The following UQCC5 variants were observed in gnomAD, a reference collection of about 807,000 sequenced individuals.
UQCC5 encodes UPF0640 protein C3orf78.
chr3:52,538,717 T>C, the UQCC5 span, among the ~76,000 whole-genome samples: 1 of 152,140 alleles, frequency 6.6e-6, no homozygotes, highest in African/African-American at 2.4e-5. Context: ...CACCTTGGCC[T>C]CCCAAAGTGC....
the UQCC5 span, among the ~76,000 whole-genome samples, chr3:52,538,005 C>G: frequency 6.6e-6 from 1 of 152,150 alleles, no homozygotes; most frequent in Non-Finnish European, 1.5e-5. Flanking sequence ...GGCAAAGGGA[C>G]TGGAGAACCA....
the UQCC5 span, among the ~76,000 whole-genome samples, chr3:52,539,333 C>CG: frequency 1.3e-5 from 2 of 152,074 alleles, no homozygotes; most frequent in Admixed American, 1.3e-4. Flanking sequence ...GCGGGTAAGA[C>CG]GGGGCCAAGG....
chr3:52,536,914 AG>A, the UQCC5 span: 1 of 1,551,318 alleles, frequency 6.4e-7, no homozygotes, highest in Non-Finnish European at 8.7e-7. Flanking sequence ...TCTGTAAGTG[AG>A]GGGGTAGCAG....
At chr3:52,536,800 C>T in the UQCC5 span, 3 of 1,551,606 alleles carry the variant, frequency 1.9e-6, no homozygotes, top group African/African-American at 1.4e-5. Context: ...AGCGGGTGCC[C>T]GGGAAGCAGC....
At chr3:52,539,706 T>A in the UQCC5 span, among the ~76,000 whole-genome samples, 2 of 151,972 alleles carry the variant, frequency 1.3e-5, no homozygotes, top group East Asian at 3.9e-4. Context: ...TGGCACGATC[T>A]TGGCTCACTG....
the UQCC5 span, chr3:52,540,619 G>C: frequency 3.1e-6 from 2 of 655,390 alleles, no homozygotes; most frequent in African/African-American, 3.8e-5. Context: ...TCCAATAACT[G>C]TTTTTGCAAA....
the UQCC5 span, chr3:52,536,677 C>A: frequency 6.6e-7 from 1 of 1,523,724 alleles, no homozygotes; most frequent in South Asian, 1.2e-5. Flanking sequence ...ACGGCGAGAA[C>A]GGGCGGGGCG....
At chr3:52,536,618 C>T in the UQCC5 span, 18 of 1,468,628 alleles carry the variant, frequency 1.2e-5, no homozygotes, top group Middle Eastern at 2.5e-4. Flanking sequence ...CGTGCGCCTA[C>T]CAGACAGTGG....
the UQCC5 span, among the ~76,000 whole-genome samples, chr3:52,539,716 G>A: frequency 6.7e-6 from 1 of 150,222 alleles, no homozygotes; most frequent in Non-Finnish European, 1.5e-5. Flanking sequence ...TTGGCTCACT[G>A]CAGCCTCTGC....
the UQCC5 span, among the ~76,000 whole-genome samples, chr3:52,539,547 CA>C: frequency 6.6e-6 from 1 of 152,128 alleles, no homozygotes; most frequent in African/African-American, 2.4e-5. Flanking sequence ...AGCCAGAGGC[CA>C]GCACTTTTGG....
the UQCC5 span, chr3:52,536,612 C>A: frequency 6.9e-7 from 1 of 1,456,612 alleles, no homozygotes; most frequent in Non-Finnish European, 9.1e-7. Context: ...GGCACTCGTG[C>A]GCCTACCAGA....
chr3:52,538,141 G>A, the UQCC5 span, among the ~76,000 whole-genome samples: 1 of 152,336 alleles, frequency 6.6e-6, no homozygotes, highest in Admixed American at 6.5e-5. Flanking sequence ...CAGTGGCCTG[G>A]TCTAGGTTGG....
At chr3:52,541,860 A>T in the UQCC5 span, 1 of 152,204 alleles carries the variant, frequency 6.6e-6, no homozygotes, top group South Asian at 2.1e-4. Context: ...TACAAAGAAT[A>T]ATAGTAAACA....
the UQCC5 span, chr3:52,536,809 G>T: frequency 1.3e-6 from 2 of 1,551,824 alleles, no homozygotes; most frequent in Non-Finnish European, 8.7e-7. Context: ...CCGGGAAGCA[G>T]CGATTTGGCA....
At chr3:52,541,476 C>CTAAT in the UQCC5 span, 1 of 152,190 alleles carries the variant, frequency 6.6e-6, no homozygotes, top group Non-Finnish European at 1.5e-5. Context: ...GATTTTTCTT[C>CTAAT]TAATTTTAGT....
the UQCC5 span, chr3:52,541,865 T>G: frequency 6.6e-6 from 1 of 152,204 alleles, no homozygotes; most frequent in African/African-American, 2.4e-5. Context: ...AGAATAATAG[T>G]AAACACTAAT....
chr3:52,541,301 A>C, the UQCC5 span: 1 of 152,200 alleles, frequency 6.6e-6, no homozygotes, highest in South Asian at 2.1e-4. Context: ...CCATGCTTGC[A>C]TAGCCACATC....
chr3:52,541,470 TTTC>T, the UQCC5 span: 1 of 152,254 alleles, frequency 6.6e-6, no homozygotes, highest in African/African-American at 2.4e-5. Context: ...TTTCTAGATT[TTTC>T]TTCTAATTTT....
At chr3:52,537,096 C>T in the UQCC5 span, among the ~76,000 whole-genome samples, 1 of 152,190 alleles carries the variant, frequency 6.6e-6, no homozygotes, top group Non-Finnish European at 1.5e-5. Flanking sequence ...TGGCGTCCAG[C>T]CTTGTGACCT....
Sources: allele counts gnomAD v4.1 joint callset (sites outside exome capture counted in the v4.1 genomes callset), GRCh38; gene constraint gnomAD v4.1.1; transcripts MANE v1.5; gene names NCBI Gene and HGNC (gene_info 2026-07-23, HGNC 2026-07-21).